Variants in GPR157 observed in about 807,000 individuals in gnomAD.
GPR157 encodes the protein G-protein coupled receptor 157.
In GPR157, 16 loss-of-function variants were observed where a neutral mutation model predicts 23.5. The observed-to-expected ratio is 0.68, with a 90% CI of 0.46 to 1.04. The LOEUF (loss-of-function observed/expected upper bound fraction) is 1.04, where lower values mean the gene tolerates loss of function less well. Ranked by LOEUF, GPR157 falls within the 50% of genes least tolerant of loss-of-function variation. The probability of loss-of-function intolerance (pLI) is 0.00; values close to 1 mark genes in which losing one functional copy is unlikely to be tolerated. For synonymous variants in GPR157, 200 were observed against 221.5 expected (o/e 0.90, Z 0.86); for missense variants, 440 against 460.7 (o/e 0.96, Z 0.41).
In GPR157 at chr1:9,104,518, G is replaced by A. The variant is rs776938056; in HGVS notation, c.909C>T (p.Pro303=). The A allele has an allele frequency of 6.2e-7, 1 of 1,613,886 alleles. No homozygotes were observed. The highest frequency in any genetic ancestry group is 1.1e-5 in the South Asian group (1 of 91,062). ...TGGGAGTGCCAGCCGGGCTCTTGGT[G>A]GGAGGCTGAGAAGAGCAGCAGCAGC... The part of the protein sequence containing the change: ...LCCCCCSSQP[P]TKSPAGTPKA... The change falls in exon 4 of 4, where the codon CCC becomes CCT. Residue 303 remains proline, a synonymous_variant. Coordinates refer to ENST00000377411, the MANE Select transcript of GPR157 (RefSeq NM_024980.5).
At chr1:9,109,079 A>ATT (rs35405293) in intron 2 of GPR157, among the ~76,000 whole-genome samples, 2,102 of 121,888 alleles carry the variant, frequency 0.017, 43 homozygotes, top group African/African-American at 0.04. Flanking sequence ...CCCGGCCCTA[A>ATT]TTTTTTTTTT....
intron 1 of GPR157, among the ~76,000 whole-genome samples, chr1:9,114,109 A>G (rs1638581551): frequency 6.6e-6 from 1 of 151,770 alleles, no homozygotes; most frequent in African/African-American, 2.4e-5. Flanking sequence ...CAGGTGGACC[A>G]CCTGAGGTCA....
At position 9,128,287 on chromosome 1, in the gene GPR157, G is replaced by A; in HGVS notation, c.383+358C>T. On this transcript the variant is annotated intron_variant, in intron 1 of 3. Transcript: ENST00000377411. The surrounding 1 kb of genome is among the most constrained non-coding windows in gnomAD (Gnocchi z 6.3). ...AGTTACCTAACTCGTCTCCCAGCCT[G>A]TTTCCCCATGGGCAGCAGAGACAGC... 1 of 538,612 alleles carries A rather than the reference G, an allele frequency of 1.9e-6. No homozygotes were observed. The highest frequency in any genetic ancestry group is 3.6e-6 in the Non-Finnish European group (1 of 280,744). The allele number at this position is 538,612 out of a possible 1,614,324, so 33.4% of individuals were successfully genotyped here. A position where few individuals can be genotyped will look rare whatever the true frequency, so the allele number is the denominator to read the frequency against.
At chr1:9,116,800 G>A (rs981604126) in intron 1 of GPR157, among the ~76,000 whole-genome samples, 2 of 151,516 alleles carry the variant, frequency 1.3e-5, no homozygotes, top group Non-Finnish European at 2.9e-5. Context: ...GGAGTGCAGT[G>A]GCATAGTCAT....
At position 9,105,183 on chromosome 1, in the gene GPR157, G is replaced by C. The variant is rs1638262625; in HGVS notation, c.792+303C>G. Among the ~76,000 whole-genome samples, 1 of 151,998 alleles carries C rather than the reference G, an allele frequency of 6.6e-6. No homozygotes were observed. The highest frequency in any genetic ancestry group is 1.5e-5 in the Non-Finnish European group (1 of 67,990). ...CTGATCTGGGATGACCTTGGCAATGGGCCTTCAGCAGGGCTCCAGGTCTTC... is the reference window on the plus strand; with the variant it reads ...CTGATCTGGGATGACCTTGGCAATGCGCCTTCAGCAGGGCTCCAGGTCTTC... On this transcript the variant is annotated intron_variant, in intron 3 of 3. Transcript: ENST00000377411. This position sits in a 1 kb window ranked among gnomAD's most constrained non-coding sequence, Gnocchi z 4.8.
At chr1:9,116,163 T>A (rs866462279) in intron 1 of GPR157, among the ~76,000 whole-genome samples, 2 of 44,970 alleles carry the variant, frequency 4.4e-5, no homozygotes, top group African/African-American at 2.0e-4. Context: ...TATATATATA[T>A]AATATAATTA....
chr1:9,109,079 A>ATTTTT (rs35405293), intron 2 of GPR157, among the ~76,000 whole-genome samples: 1 of 121,922 alleles, frequency 8.2e-6, no homozygotes, highest in Non-Finnish European at 1.7e-5. Context: ...CCCGGCCCTA[A>ATTTTT]TTTTTTTTTT....
intron 1 of GPR157, among the ~76,000 whole-genome samples, chr1:9,124,488 A>C (rs1199992704): frequency 6.6e-6 from 1 of 152,192 alleles, no homozygotes; most frequent in Non-Finnish European, 1.5e-5. Context: ...GCAGATGTTC[A>C]TAGCTCTGGG....
intron 1 of GPR157, among the ~76,000 whole-genome samples, chr1:9,114,440 T>C (rs1338542867): frequency 6.6e-6 from 1 of 152,124 alleles, no homozygotes; most frequent in Non-Finnish European, 1.5e-5. Flanking sequence ...TAAGGAATTC[T>C]GGGAAGGAGG....
chr1:9,111,564 C>A, intron 1 of GPR157, 75 bp from the exon 2 acceptor site: 1 of 1,204,710 alleles, frequency 8.3e-7, no homozygotes, highest in South Asian at 1.3e-5. Flanking sequence ...GCAAAAATGA[C>A]GGAGGACGCC....
chr1:9,121,908 G>A (rs922180498), intron 1 of GPR157, among the ~76,000 whole-genome samples: 1 of 152,144 alleles, frequency 6.6e-6, no homozygotes, highest in African/African-American at 2.4e-5. Context: ...AGAGATTCCC[G>A]AGATGAACCG....
chr1:9,126,788 C>G (rs1011787828), intron 1 of GPR157, among the ~76,000 whole-genome samples: 1 of 152,182 alleles, frequency 6.6e-6, no homozygotes, highest in Admixed American at 6.5e-5. Flanking sequence ...GTCAAACTCC[C>G]TCTCTAGCTT....
rs1367129041 is a variant in GPR157 at position 9,118,861 on chromosome 1, C to G, written c.384-7372G>C. On this transcript the variant is annotated intron_variant, in intron 1 of 3. Transcript: ENST00000377411. This position sits in a 1 kb window ranked among gnomAD's most constrained non-coding sequence, Gnocchi z 4.6. ...CCAGCCTGGGCAACAAAGTGAGACC[C>G]TGTCTCTACAAAAAAATACATAAAT... 6.6e-6 allele frequency among the ~76,000 whole-genome samples: 1 copy of G among 152,056 alleles called. No homozygotes were observed. The highest frequency in any genetic ancestry group is 2.4e-5 in the African/African-American group (1 of 41,374).
At position 9,123,659 on chromosome 1, in the gene GPR157, A is replaced by T. The variant is rs183548026; in HGVS notation, c.383+4986T>A. On this transcript the variant is annotated intron_variant, in intron 1 of 3. Coordinates refer to ENST00000377411, the MANE Select transcript of GPR157 (RefSeq NM_024980.5). Reference sequence around the variant, plus strand: ...TATACATTAATATTAAATATATATTAAATATATATTTAATATTAAATATAT... The same window carrying T: ...TATACATTAATATTAAATATATATTTAATATATATTTAATATTAAATATAT... 2.7e-3 allele frequency among the ~76,000 whole-genome samples: 295 copies of T among 109,106 alleles called. 2 individuals are homozygous for T. Among genetic ancestry groups the T allele is most frequent in the African/African-American group, 0.011 (267 of 25,278 alleles). The allele number at this position is 109,106 out of a possible 152,430, so 71.6% of individuals were successfully genotyped here.
At position 9,105,656 on chromosome 1, in the gene GPR157, G is replaced by C. The variant is rs1306711346; in HGVS notation, c.622C>G (p.Pro208Ala). The C allele has an allele frequency of 6.2e-7, 1 of 1,611,998 alleles. No homozygotes were observed. Among genetic ancestry groups the C allele is most frequent in the Non-Finnish European group, 8.5e-7 (1 of 1,179,218 alleles). The change falls in exon 3 of 4, where the codon CCC becomes GCC. Residue 208 changes from proline (P) to alanine (A), a missense_variant. Transcript: ENST00000377411. The surrounding 1 kb of genome is among the most constrained non-coding windows in gnomAD (Gnocchi z 4.8). ...RAHTALSEYR[P>A]ILSQEHRLLR... ...AGGCGGTGCTCCTGGGAGAGGATGGGCCGGTACTCAGAGAGTGCCGTGTGC... is the reference window on the plus strand; with the variant it reads ...AGGCGGTGCTCCTGGGAGAGGATGGCCCGGTACTCAGAGAGTGCCGTGTGC...
chr1:9,125,967 CTT>C (rs36090703), intron 1 of GPR157, among the ~76,000 whole-genome samples: 247 of 138,914 alleles, frequency 1.8e-3, no homozygotes, highest in Middle Eastern at 3.6e-3. Flanking sequence ...TGTATTCTGC[CTT>C]TTTTTTTTTT....
At position 9,128,251 on chromosome 1, in the gene GPR157, C is replaced by T. The variant is rs1639006683; in HGVS notation, c.383+394G>A. Reference sequence around the variant, plus strand: ...GTGGGACTGGCAGTTGCCGGCTCTCCAGCCCGGGACAGTTACCTAACTCGT... The same window carrying T: ...GTGGGACTGGCAGTTGCCGGCTCTCTAGCCCGGGACAGTTACCTAACTCGT... On this transcript the variant is annotated intron_variant, in intron 1 of 3. Coordinates refer to ENST00000377411, the MANE Select transcript of GPR157 (RefSeq NM_024980.5). The surrounding 1 kb of genome is among the most constrained non-coding windows in gnomAD (Gnocchi z 6.3). The T allele has an allele frequency of 1.0e-5, 5 of 491,966 alleles. No homozygotes were observed. The highest frequency in any genetic ancestry group is 7.7e-5 in the South Asian group (5 of 64,738). 30.5% of individuals were successfully genotyped at this position (491,966 alleles called of 1,614,324 possible). A position where few individuals can be genotyped will look rare whatever the true frequency, so the allele number is the denominator to read the frequency against.
intron 1 of GPR157, among the ~76,000 whole-genome samples, chr1:9,125,341 A>G (rs1461543056): frequency 1.3e-5 from 2 of 151,784 alleles, no homozygotes; most frequent in African/African-American, 4.8e-5. Context: ...AGCCTCCCAA[A>G]GTGCTGGGAT....
intron 1 of GPR157, among the ~76,000 whole-genome samples, chr1:9,124,769 CTG>C (rs1175851249): frequency 1.3e-5 from 2 of 152,182 alleles, no homozygotes; most frequent in Non-Finnish European, 2.9e-5. Context: ...TATGGAAAGA[CTG>C]TATTTCTGTT....
Sources: gnomAD v4.1 joint callset for allele counts (sites outside exome capture counted in the v4.1 genomes callset) on GRCh38, gnomAD v4.1.1 for gene constraint, Gnocchi (gnomAD v3.1) non-coding constraint, MANE v1.5 for transcripts, NCBI Gene and HGNC (gene_info 2026-07-23, HGNC 2026-07-21) for gene names.